The following USP6NL variants were observed in gnomAD, a reference collection of about 807,000 sequenced individuals.
The protein encoded by USP6NL is USP6 N-terminal like.
In USP6NL, 26 loss-of-function variants were observed where a neutral mutation model predicts 61.9. That is an observed-to-expected ratio of 0.42 (90% CI 0.31 to 0.58). The LOEUF (loss-of-function observed/expected upper bound fraction) is 0.58. Ranked by LOEUF, USP6NL falls within the 20% of genes least tolerant of loss-of-function variation. The pLI, the probability that USP6NL is intolerant of heterozygous loss-of-function variation, is 0.16. For synonymous variants in USP6NL, 432 were observed against 390.1 expected, an observed-to-expected ratio of 1.11 and a Z score of -1.27; for missense variants, 1,114 against 1,034.3, an observed-to-expected ratio of 1.08 and a Z score of -1.06.
chr10:11,570,738 T>C (rs890587823), intron 2 of USP6NL, among the ~76,000 whole-genome samples: 1 of 152,206 alleles, frequency 6.6e-6, no homozygotes, highest in Non-Finnish European at 1.5e-5. Flanking sequence ...TCTGAAGAGA[T>C]GGTGTGGCTT....
chr10:11,563,561 A>G (rs543769552), intron 2 of USP6NL: 2 of 152,352 alleles, frequency 1.3e-5, no homozygotes, highest in South Asian at 4.1e-4. Context: ...GAAACTGAGT[A>G]AAAAGTACAT....
intron 14 of USP6NL, among the ~76,000 whole-genome samples, chr10:11,480,628 A>G (rs930407765): frequency 2.6e-5 from 4 of 152,244 alleles, no homozygotes; most frequent in Non-Finnish European, 5.9e-5. Flanking sequence ...ACCTTGGAGC[A>G]GTGCTGATTA....
rs570869094 is a variant in USP6NL, at chr10:11,487,331, T to C, written c.665-1420A>G. On this transcript the variant is annotated intron_variant, in intron 10 of 14. Transcript: ENST00000609104. This position sits in a 1 kb window ranked among gnomAD's most constrained non-coding sequence, Gnocchi z 4.2. ...AGTTATAAAATTTCATAGGCAGACA[T>C]AGAAACAAACATCTCTAAGTATAAA... Among the ~76,000 whole-genome samples, 2 of 152,316 alleles carry C rather than the reference T, an allele frequency of 1.3e-5. No homozygotes were observed. The highest frequency in any genetic ancestry group is 3.9e-4 in the East Asian group (2 of 5,194).
At chr10:11,494,987 C>T (rs1050644637) in intron 7 of USP6NL, among the ~76,000 whole-genome samples, 7 of 152,072 alleles carry the variant, frequency 4.6e-5, no homozygotes, top group African/African-American at 1.7e-4. Flanking sequence ...TCTCTAAACT[C>T]CCCCGGGGAA....
chr10:11,588,967 CAA>C (rs1838070238), intron 2 of USP6NL, among the ~76,000 whole-genome samples: 1 of 152,134 alleles, frequency 6.6e-6, no homozygotes, highest in Admixed American at 6.5e-5. Context: ...ACCAAAAGTA[CAA>C]AGTTTCCATA....
At position 11,490,713 on chromosome 10, in the gene USP6NL, A is replaced by T; in HGVS notation, c.543+119T>A. 1.0e-6 allele frequency: 1 copy of T among 986,174 alleles called. No homozygotes were observed. Among genetic ancestry groups the T allele is most frequent in the Non-Finnish European group, 1.5e-6 (1 of 663,256 alleles). The allele number at this position is 986,174 out of a possible 1,614,324, so 61.1% of individuals were successfully genotyped here. The stretch of plus-strand genomic sequence containing the variant: ...TCAGCTTAAAAAGATCCACAGAGCT[A>T]AAGAGACCATGGAGACCACCTAGCT... On this transcript the variant is annotated intron_variant, in intron 9 of 14. Coordinates refer to ENST00000609104, the MANE Select transcript of USP6NL (RefSeq NM_014688.5). The surrounding 1 kb of genome is among the most constrained non-coding windows in gnomAD (Gnocchi z 4.5).
chr10:11,519,296 C>T (rs1053760896), intron 4 of USP6NL, among the ~76,000 whole-genome samples: 1 of 152,160 alleles, frequency 6.6e-6, no homozygotes, highest in South Asian at 2.1e-4. Context: ...CTGCCTCCAA[C>T]AGACTTGTGA....
At chr10:11,609,009 A>C (rs1486915949) in intron 1 of USP6NL, among the ~76,000 whole-genome samples, 1 of 152,192 alleles carries the variant, frequency 6.6e-6, no homozygotes, top group Non-Finnish European at 1.5e-5. Flanking sequence ...GGGAAAAATG[A>C]GTCTCTCAAT....
intron 2 of USP6NL, among the ~76,000 whole-genome samples, chr10:11,568,612 T>C (rs1006065241): frequency 1.3e-5 from 2 of 152,230 alleles, no homozygotes; most frequent in African/African-American, 4.8e-5. Flanking sequence ...TTAGAAACCA[T>C]ACTAGTGAGA....
At chr10:11,586,210 A>G (rs552547418) in intron 2 of USP6NL, among the ~76,000 whole-genome samples, 1 of 152,338 alleles carries the variant, frequency 6.6e-6, no homozygotes, top group Admixed American at 6.5e-5. Context: ...GTACACAATT[A>G]CCAGAGCAAA....
intron 2 of USP6NL, among the ~76,000 whole-genome samples, chr10:11,555,433 A>AAAAAAT (rs1275798295): frequency 5.3e-4 from 26 of 49,012 alleles, no homozygotes; most frequent in Non-Finnish European, 7.2e-4. Context: ...AAAAAAAAAA[A>AAAAAAT]ATATATATAT....
intron 4 of USP6NL, among the ~76,000 whole-genome samples, chr10:11,522,967 C>T (rs542924892): frequency 1.4e-4 from 22 of 152,368 alleles, no homozygotes; most frequent in African/African-American, 4.1e-4. Flanking sequence ...CTCTGTGCTT[C>T]GGTTTCATCG....
intron 1 of USP6NL, among the ~76,000 whole-genome samples, chr10:11,599,782 G>A (rs1384120661): frequency 6.8e-6 from 1 of 148,024 alleles, no homozygotes; most frequent in Non-Finnish European, 1.5e-5. Flanking sequence ...CCAGGTTGGA[G>A]TGCAGTAGCT....
chr10:11,573,716 T>C (rs1230337944), intron 2 of USP6NL: 1 of 398,674 alleles, frequency 2.5e-6, no homozygotes, highest in African/African-American at 2.1e-5. Context: ...CTGCTTCCTC[T>C]AGAAATCCAA....
chr10:11,557,224 G>A (rs1030502079), intron 2 of USP6NL, among the ~76,000 whole-genome samples: 5 of 152,058 alleles, frequency 3.3e-5, no homozygotes, highest in African/African-American at 1.2e-4. Flanking sequence ...CAACATATTA[G>A]AGAGAGAACT....
intron 14 of USP6NL, among the ~76,000 whole-genome samples, chr10:11,473,537 C>G (rs1481296793): frequency 6.6e-6 from 1 of 152,172 alleles, no homozygotes. Flanking sequence ...TGGTCGGGAG[C>G]ATTCTTGGAG....
chr10:11,463,298 G>A lies in USP6NL; in HGVS notation c.1630C>T (p.Arg544Trp), dbSNP rs1020447805. ...TCGTACTGCGATGCAGTGGAGCCCC[G>A]CTTCCCGTCCTCAGCATCCAGGGCC... The part of the protein sequence containing the change: ...MKALDAEDGK[R>W]GSTASQYDNV... Residue 544 changes from arginine (R) to tryptophan (W), a missense_variant, in exon 15 of 15, where the codon CGG becomes TGG. Arg to Trp is a moderately radical substitution (Grantham distance 101). Transcript: ENST00000609104. The surrounding 1 kb of genome is among the most constrained non-coding windows in gnomAD (Gnocchi z 6.3). 5 of 1,613,688 alleles carry A rather than the reference G, an allele frequency of 3.1e-6. No homozygotes were observed. The highest frequency in any genetic ancestry group is 1.7e-5 in the Admixed American group (1 of 60,004).
intron 2 of USP6NL, chr10:11,564,946 T>G (rs1566184482): frequency 6.6e-6 from 1 of 152,244 alleles, no homozygotes; most frequent in Non-Finnish European, 1.5e-5. Context: ...CTCTTGATAT[T>G]GACTAATTAT....
chr10:11,550,837 A>G (rs1836453902), intron 2 of USP6NL, among the ~76,000 whole-genome samples: 1 of 152,144 alleles, frequency 6.6e-6, no homozygotes, highest in African/African-American at 2.4e-5. Context: ...ACTTCACAAA[A>G]GACACATGGA....
Sources: allele counts gnomAD v4.1 joint callset (sites outside exome capture counted in the v4.1 genomes callset), GRCh38; gene constraint gnomAD v4.1.1; non-coding constraint Gnocchi (gnomAD v3.1); transcripts MANE v1.5; gene names NCBI Gene and HGNC (gene_info 2026-07-23, HGNC 2026-07-21).